The following RBM47 variants were observed in gnomAD, a reference collection of about 807,000 sequenced individuals.
RBM47 encodes RNA binding motif protein 47, also known as RNA-binding protein 47.
In RBM47, 21 loss-of-function variants were observed where a neutral mutation model predicts 47.1. The ratio of observed to expected loss-of-function variants is 0.45; its 90% CI spans 0.32 to 0.64. The LOEUF is 0.64. Ranked by LOEUF, RBM47 falls within the 30% of genes least tolerant of loss-of-function variation. RBM47 has a pLI of 0.05. For synonymous variants in RBM47, 375 were observed against 361.7 expected (o/e 1.04, Z -0.42); for missense variants, 708 against 870.9 (o/e 0.81, Z 2.35).
intron 1 of RBM47, among the ~76,000 whole-genome samples, chr4:40,627,371 TCA>T (rs1737839810): frequency 1.3e-5 from 2 of 152,198 alleles, no homozygotes; most frequent in South Asian, 4.1e-4. Flanking sequence ...GATTACCTAA[TCA>T]CAGTTTCACT....
intron 1 of RBM47, among the ~76,000 whole-genome samples, chr4:40,603,409 C>G (rs1485558842): frequency 6.6e-6 from 1 of 152,096 alleles, no homozygotes; most frequent in African/African-American, 2.4e-5. Context: ...CTATTAAGGG[C>G]ATTGTTAAAC....
intron 2 of RBM47, among the ~76,000 whole-genome samples, chr4:40,480,892 A>T (rs2154241447): frequency 1.3e-5 from 2 of 152,288 alleles, no homozygotes; most frequent in Middle Eastern, 6.8e-3. Context: ...TGGAGAGAAG[A>T]CACCTATTAC....
chr4:40,520,397 T>G (rs1003106340), intron 2 of RBM47, among the ~76,000 whole-genome samples: 1 of 152,234 alleles, frequency 6.6e-6, no homozygotes, highest in East Asian at 1.9e-4. Flanking sequence ...ACTGCAGAGC[T>G]GCAATAGGGC....
At chr4:40,460,791 G>C (rs916305546) in intron 3 of RBM47, among the ~76,000 whole-genome samples, 1 of 151,302 alleles carries the variant, frequency 6.6e-6, no homozygotes, top group Non-Finnish European at 1.5e-5. Flanking sequence ...GGGACGCTGA[G>C]GCAGGACAAT....
At chr4:40,580,297 C>T (rs1028658811) in intron 1 of RBM47, among the ~76,000 whole-genome samples, 8 of 152,170 alleles carry the variant, frequency 5.3e-5, no homozygotes, top group African/African-American at 1.9e-4. Context: ...TCTCCCTCAT[C>T]CAAGTTTCTA....
chr4:40,497,340 C>A (rs551638511), intron 2 of RBM47, among the ~76,000 whole-genome samples: 1 of 152,114 alleles, frequency 6.6e-6, no homozygotes, highest in Non-Finnish European at 1.5e-5. Flanking sequence ...AGCAAAGGGC[C>A]GGGCATGGTG....
At chr4:40,431,917 C>T (rs964446119) in intron 6 of RBM47, among the ~76,000 whole-genome samples, 1 of 151,664 alleles carries the variant, frequency 6.6e-6, no homozygotes, top group Admixed American at 6.6e-5. Flanking sequence ...AGTGCAATCA[C>T]AGATCACTGC....
chr4:40,617,997 T>C (rs1344144581), intron 1 of RBM47, among the ~76,000 whole-genome samples: 1 of 152,032 alleles, frequency 6.6e-6, no homozygotes, highest in Middle Eastern at 3.2e-3. Context: ...TCCCAGTACT[T>C]TGGGAGGCTG....
At position 40,509,839 on chromosome 4, in the gene RBM47, C is replaced by T. The variant is rs1250137196; in HGVS notation, c.-155+34583G>A. On this transcript the variant is annotated intron_variant, in intron 2 of 6. Transcript: ENST00000295971. ...CGGAGCTTGCAGTGAGCGGAGATTG[C>T]GCCACTGCACTCCAGCCTGGGCGAC... Among the ~76,000 whole-genome samples the T allele has an allele frequency of 6.0e-5, 9 of 150,794 alleles. No homozygotes were observed. In the South Asian group the frequency reaches 1.9e-3, roughly 31 times the overall value.
At chr4:40,576,866 T>C (rs1468559450) in intron 1 of RBM47, among the ~76,000 whole-genome samples, 1 of 152,186 alleles carries the variant, frequency 6.6e-6, no homozygotes, top group Non-Finnish European at 1.5e-5. Context: ...ATGATGATGA[T>C]GATGATACCC....
At chr4:40,582,782 C>T (rs1733080500) in intron 1 of RBM47, among the ~76,000 whole-genome samples, 1 of 152,132 alleles carries the variant, frequency 6.6e-6, no homozygotes, top group Admixed American at 6.6e-5. Flanking sequence ...ACTCTCAACG[C>T]CTAGTCAGTC....
rs549987114 is a variant in RBM47, at chr4:40,540,406, G to T, written c.-155+4016C>A. Among the ~76,000 whole-genome samples the T allele has an allele frequency of 2.6e-5, 4 of 152,102 alleles. No homozygotes were observed. In the South Asian group the frequency reaches 8.3e-4, roughly 32 times the overall value. ...TGTAATCCCAGCACTTTGGGAGGCC[G>T]AGGTGGGAGGATCACCTGAGGTCAG... On this transcript the variant is annotated intron_variant, in intron 2 of 6. Coordinates refer to ENST00000295971, the MANE Select transcript of RBM47 (RefSeq NM_001098634.2).
intron 1 of RBM47, among the ~76,000 whole-genome samples, chr4:40,570,664 T>A (rs1017611824): frequency 2.0e-5 from 3 of 151,934 alleles, no homozygotes; most frequent in African/African-American, 7.2e-5. Context: ...GAACACAGCA[T>A]AGAATGAAGA....
At chr4:40,485,781 C>T (rs998644874) in intron 2 of RBM47, among the ~76,000 whole-genome samples, 13 of 151,314 alleles carry the variant, frequency 8.6e-5, no homozygotes, top group East Asian at 1.9e-4. Context: ...GAAAATAGGC[C>T]GGGTAGGGTG....
At chr4:40,552,679 C>T (rs568123837) in intron 1 of RBM47, among the ~76,000 whole-genome samples, 1 of 152,304 alleles carries the variant, frequency 6.6e-6, no homozygotes, top group South Asian at 2.1e-4. Context: ...AGAGTCCTTC[C>T]CCAGGTTCCC....
chr4:40,481,434 T>C (rs113076596), intron 2 of RBM47, among the ~76,000 whole-genome samples: 2,035 of 141,730 alleles, frequency 0.014, 50 homozygotes, highest in African/African-American at 0.051. Flanking sequence ...CACCATTCCC[T>C]GCTAATTTTT....
At chr4:40,609,325 T>C (rs1736045096) in intron 1 of RBM47, among the ~76,000 whole-genome samples, 1 of 151,026 alleles carries the variant, frequency 6.6e-6, no homozygotes, top group Non-Finnish European at 1.5e-5. Context: ...TTGGTTTTTT[T>C]TTTTTGAGAC....
chr4:40,569,972 A>G (rs747568498), intron 1 of RBM47, among the ~76,000 whole-genome samples: 1 of 152,060 alleles, frequency 6.6e-6, no homozygotes, highest in Admixed American at 6.6e-5. Flanking sequence ...TTGGCCTCCC[A>G]AAGTGCTGGG....
intron 3 of RBM47, among the ~76,000 whole-genome samples, chr4:40,462,221 A>G (rs1224078597): frequency 6.6e-6 from 1 of 152,196 alleles, no homozygotes; most frequent in African/African-American, 2.4e-5. Context: ...CAGGCTTCAC[A>G]TTTTGTTAAG....
Sources: allele counts gnomAD v4.1 joint callset (sites outside exome capture counted in the v4.1 genomes callset), GRCh38; gene constraint gnomAD v4.1.1; transcripts MANE v1.5; gene names NCBI Gene and HGNC (gene_info 2026-07-23, HGNC 2026-07-21).